IL1RAPL2: variants seen among roughly 807,000 people sequenced by gnomAD.
The protein encoded by IL1RAPL2 is interleukin 1 receptor accessory protein like 2.
A neutral mutation model predicts 44.1 loss-of-function variants in IL1RAPL2; 3 were observed. The observed-to-expected ratio is 0.07, with a 90% CI of 0.03 to 0.18. IL1RAPL2 has a LOEUF of 0.18. Among genes scored for constraint, IL1RAPL2 ranks in the 10% least tolerant of loss-of-function variants. IL1RAPL2 has a pLI of 1.00. For synonymous variants in IL1RAPL2, 181 were observed against 178.8 expected, an observed-to-expected ratio of 1.01 and a Z score of -0.10; for missense variants, 391 against 496.4, an observed-to-expected ratio of 0.79 and a Z score of 2.02.
chrX:105,082,552 C>T (rs966082669), intron 2 of IL1RAPL2, among the ~76,000 whole-genome samples: 6 of 110,938 alleles, frequency 5.4e-5, no homozygotes, highest in African/African-American at 1.6e-4. Context: ...TGGGAGAGCT[C>T]TGGCTGGCAT....
intron 1 of IL1RAPL2, among the ~76,000 whole-genome samples, chrX:104,656,007 T>A (rs1930249459): frequency 9.0e-6 from 1 of 111,696 alleles, no homozygotes; most frequent in African/African-American, 3.3e-5. Flanking sequence ...TTCTGTGGGA[T>A]CGGTGGTGAC....
chrX:105,431,496 C>T (rs2035847102), intron 5 of IL1RAPL2, among the ~76,000 whole-genome samples: 1 of 111,529 alleles, frequency 9.0e-6, no homozygotes. Flanking sequence ...TTCTGTTATG[C>T]CTTGGGGAAC....
chrX:104,603,222 C>T (rs1928924380), intron 1 of IL1RAPL2, among the ~76,000 whole-genome samples: 1 of 111,382 alleles, frequency 9.0e-6, no homozygotes, highest in Admixed American at 9.5e-5. Context: ...CTCCAGCAGA[C>T]CGGCAGCAGA....
chrX:105,419,784 A>T (rs1281842689), intron 5 of IL1RAPL2, among the ~76,000 whole-genome samples: 1 of 112,041 alleles, frequency 8.9e-6, no homozygotes, highest in Admixed American at 9.5e-5. Flanking sequence ...ATAATATTTG[A>T]TTCAGTAAAT....
intron 2 of IL1RAPL2, among the ~76,000 whole-genome samples, chrX:104,947,897 T>C (rs1050137170): frequency 2.7e-5 from 3 of 111,872 alleles, no homozygotes; most frequent in African/African-American, 9.8e-5. Flanking sequence ...CTTGGTGATG[T>C]GGGCTCTTTT....
chrX:105,094,670 T>A (rs1202361331), intron 2 of IL1RAPL2, among the ~76,000 whole-genome samples: 1 of 111,422 alleles, frequency 9.0e-6, no homozygotes, highest in Non-Finnish European at 1.9e-5. Flanking sequence ...ATTGAGTCTC[T>A]TGTAATTCCA....
intron 2 of IL1RAPL2, among the ~76,000 whole-genome samples, chrX:104,855,105 T>C (rs780095615): frequency 8.9e-6 from 1 of 112,337 alleles, no homozygotes; most frequent in Non-Finnish European, 1.9e-5. Flanking sequence ...ACAGAGTTTC[T>C]CATGCCAGAA....
chrX:104,957,790 A>G (rs144050812), intron 2 of IL1RAPL2, among the ~76,000 whole-genome samples: 95 of 111,630 alleles, frequency 8.5e-4, no homozygotes, highest in African/African-American at 2.9e-3. Context: ...GTTGGTTTAA[A>G]TACTCTTCTG....
At chrX:105,450,376 T>C (rs1438911078) in intron 5 of IL1RAPL2, among the ~76,000 whole-genome samples, 3 of 112,158 alleles carry the variant, frequency 2.7e-5, no homozygotes, top group Admixed American at 9.4e-5. Flanking sequence ...ACAGTGCTTC[T>C]CTGTGTGCAG....
chrX:105,395,478 A>T (rs1026869011), intron 5 of IL1RAPL2, among the ~76,000 whole-genome samples: 1 of 111,136 alleles, frequency 9.0e-6, no homozygotes, highest in Non-Finnish European at 1.9e-5. Flanking sequence ...TTCGTAAGAA[A>T]GAAAGGTGAG....
At chrX:104,761,690 G>C (rs763325159) in intron 2 of IL1RAPL2, among the ~76,000 whole-genome samples, 2 of 111,577 alleles carry the variant, frequency 1.8e-5, no homozygotes, top group Non-Finnish European at 3.8e-5. Context: ...TAGATACAAT[G>C]GGGGTACAGG....
At chrX:104,666,166 C>T (rs763673864) in intron 2 of IL1RAPL2, among the ~76,000 whole-genome samples, 1 of 110,420 alleles carries the variant, frequency 9.1e-6, no homozygotes, top group Admixed American at 9.7e-5. Flanking sequence ...ACAATCCATA[C>T]AGTGAAAATC....
At chrX:104,600,822 C>A (rs1266593625) in intron 1 of IL1RAPL2, among the ~76,000 whole-genome samples, 1 of 111,421 alleles carries the variant, frequency 9.0e-6, no homozygotes, top group East Asian at 2.8e-4. Flanking sequence ...CCAGCTCCAC[C>A]CATATTGCTG....
chrX:104,706,913 TAAC>T (rs1324400462), intron 2 of IL1RAPL2, among the ~76,000 whole-genome samples: 2 of 111,731 alleles, frequency 1.8e-5, no homozygotes, highest in African/African-American at 6.5e-5. Flanking sequence ...ATGACATTAT[TAAC>T]AAACCTGTAC....
intron 8 of IL1RAPL2, among the ~76,000 whole-genome samples, chrX:105,744,612 A>C (rs186752177): frequency 7.4e-4 from 83 of 111,715 alleles, no homozygotes; most frequent in Non-Finnish European, 1.4e-3. Flanking sequence ...AACATGATGC[A>C]TCCTTTCATT....
At chrX:105,100,120 A>G (rs912852232) in intron 2 of IL1RAPL2, among the ~76,000 whole-genome samples, 2 of 111,832 alleles carry the variant, frequency 1.8e-5, no homozygotes, top group Non-Finnish European at 3.8e-5. Flanking sequence ...ATTATTAGTT[A>G]TTGTTGTTAA....
chrX:104,792,266 C>T (rs868028754), intron 2 of IL1RAPL2, among the ~76,000 whole-genome samples: 1 of 110,707 alleles, frequency 9.0e-6, no homozygotes, highest in African/African-American at 3.3e-5. Flanking sequence ...ATGATTGGGG[C>T]ACAACGATAT....
intron 2 of IL1RAPL2, among the ~76,000 whole-genome samples, chrX:105,145,966 G>A (rs1247099417): frequency 9.9e-5 from 11 of 110,890 alleles, no homozygotes; most frequent in Non-Finnish European, 1.7e-4. Context: ...AATGAGGCAA[G>A]TGCCCTCATA....
chrX:104,670,863 A>C (rs1392950482), intron 2 of IL1RAPL2, among the ~76,000 whole-genome samples: 1 of 111,466 alleles, frequency 9.0e-6, no homozygotes, highest in Non-Finnish European at 1.9e-5. Context: ...GCTTGTTTTT[A>C]GTTATAGATG....
Sources: allele counts gnomAD v4.1 joint callset (sites outside exome capture counted in the v4.1 genomes callset), GRCh38; gene constraint gnomAD v4.1.1; transcripts MANE v1.5; gene names NCBI Gene and HGNC (gene_info 2026-07-23, HGNC 2026-07-21).